Variants in TLL2 observed in about 807,000 individuals in gnomAD.
TLL2 encodes tolloid like 2.
TLL2 carries 106 observed loss-of-function variants against 123.0 expected under a neutral mutation model. That is an observed-to-expected ratio of 0.86 (90% CI 0.74 to 1.01). The LOEUF (loss-of-function observed/expected upper bound fraction) is 1.01, where lower values mean the gene tolerates loss of function less well. Among genes scored for constraint, TLL2 ranks in the 50% least tolerant of loss-of-function variants. TLL2 has a pLI of 0.00. For missense variants in TLL2, 1,332 were observed against 1,336.7 expected (o/e 1.00, Z 0.06); for synonymous variants, 494 against 516.8 (o/e 0.96, Z 0.60).
chr10:96,468,021 C>T (rs1847145825), intron 2 of TLL2, among the ~76,000 whole-genome samples: 1 of 152,142 alleles, frequency 6.6e-6, no homozygotes, highest in South Asian at 2.1e-4. Flanking sequence ...GGTGGTACTC[C>T]CAGGCTTGGT....
At chr10:96,494,618 T>C (rs1847452724) in intron 1 of TLL2, among the ~76,000 whole-genome samples, 1 of 152,228 alleles carries the variant, frequency 6.6e-6, no homozygotes, top group South Asian at 2.1e-4. Context: ...TTCCTACCCG[T>C]GGACCTAATC....
At chr10:96,468,507 G>A (rs1847150330) in intron 2 of TLL2, among the ~76,000 whole-genome samples, 1 of 152,184 alleles carries the variant, frequency 6.6e-6, no homozygotes, top group African/African-American at 2.4e-5. Flanking sequence ...CTCTGCCTCT[G>A]TTCTTATAGG....
At chr10:96,497,445 T>A (rs542291861) in intron 1 of TLL2, among the ~76,000 whole-genome samples, 1 of 152,340 alleles carries the variant, frequency 6.6e-6, no homozygotes, top group South Asian at 2.1e-4. Flanking sequence ...CCAGGAAGCG[T>A]GCTTCTGTGG....
At chr10:96,437,774 G>A (rs1371141891) in intron 3 of TLL2, among the ~76,000 whole-genome samples, 3 of 152,170 alleles carry the variant, frequency 2.0e-5, no homozygotes, top group African/African-American at 7.2e-5. Flanking sequence ...TGGTATGGAT[G>A]AACCACAGTT....
At chr10:96,476,694 T>A (rs1847256444) in intron 2 of TLL2, among the ~76,000 whole-genome samples, 1 of 152,072 alleles carries the variant, frequency 6.6e-6, no homozygotes, top group Non-Finnish European at 1.5e-5. Flanking sequence ...TATAATGGCT[T>A]AGTTAGGTAA....
At chr10:96,433,544 G>A (rs902859375) in intron 3 of TLL2, among the ~76,000 whole-genome samples, 4 of 152,118 alleles carry the variant, frequency 2.6e-5, no homozygotes, top group African/African-American at 4.8e-5. Flanking sequence ...GAGTCCACGC[G>A]TTGGGCCTCC....
At position 96,376,768 on chromosome 10, in the gene TLL2, T is replaced by C. The variant is rs1163623851; in HGVS notation, c.2372A>G (p.Asn791Ser). 1.9e-6 allele frequency: 3 copies of C among 1,597,110 alleles called. No homozygotes were observed. The highest frequency in any genetic ancestry group is 1.7e-6 in the Non-Finnish European group (2 of 1,172,928). The change falls in exon 18 of 21, where the codon AAC (asparagine) becomes AGC (serine). Residue 791 changes from asparagine (N) to serine (S), a missense_variant. Transcript: ENST00000357947. The part of the protein sequence containing the change: ...SSVEGTLASP[N>S]WPDKYPSRRE... The stretch of plus-strand genomic sequence containing the variant: ...CCGGCTGGGGTATTTGTCAGGCCAG[T>C]TGGGGCTCGCCAGGGTCCCCTCCAC...
chr10:96,387,033 C>A lies in TLL2; in HGVS notation c.1772G>T (p.Arg591Leu). ...SWPDHGGCEH[R>L]CVNTLGSYKC... Reference sequence around the variant, plus strand: ...GTAGCTGCCCAGCGTGTTCACACAGCGATGCTCGCACCCGCCGTGATCTGG... The same window carrying A: ...GTAGCTGCCCAGCGTGTTCACACAGAGATGCTCGCACCCGCCGTGATCTGG... The change falls in exon 14 of 21, where the codon CGC becomes CTC. Residue 591 changes from arginine to leucine, a missense_variant. Transcript: ENST00000357947. 6.2e-7 allele frequency: 1 copy of A among 1,613,940 alleles called. No individual in the cohort carries two copies. The highest frequency in any genetic ancestry group is 8.5e-7 in the Non-Finnish European group (1 of 1,180,036).
chr10:96,395,524 G>T lies in TLL2; in HGVS notation c.1531-142C>A, dbSNP rs530794645. Reference sequence around the variant, plus strand: ...AGTGTGTCCCAGGTCTCTCCATGCTGCTTCCTAGTTCACTCCTTACTTGCA... The same window carrying T: ...AGTGTGTCCCAGGTCTCTCCATGCTTCTTCCTAGTTCACTCCTTACTTGCA... On this transcript the variant is annotated intron_variant, in intron 12 of 20. Transcript: ENST00000357947. 1.6e-5 allele frequency: 13 copies of T among 795,670 alleles called. No individual in the cohort carries two copies. In the East Asian group the frequency reaches 3.1e-4, roughly 19 times the overall value. The allele number at this position is 795,670 out of a possible 1,614,324, so 49.3% of individuals were successfully genotyped here.
At chr10:96,401,355 C>T (rs908559606) in intron 10 of TLL2, among the ~76,000 whole-genome samples, 1 of 152,204 alleles carries the variant, frequency 6.6e-6, no homozygotes, top group African/African-American at 2.4e-5. Context: ...GGCACTGACC[C>T]CTCCCAGGGA....
chr10:96,419,769 A>T (rs2134074613), intron 7 of TLL2, among the ~76,000 whole-genome samples: 1 of 152,286 alleles, frequency 6.6e-6, no homozygotes, highest in African/African-American at 2.4e-5. Context: ...TGGCAGCCTT[A>T]CCCAAGAACC....
At chr10:96,419,940 C>T (rs558506715) in intron 7 of TLL2, among the ~76,000 whole-genome samples, 16 of 152,342 alleles carry the variant, frequency 1.1e-4, no homozygotes, top group Non-Finnish European at 1.6e-4. Context: ...TTGCTGCCAA[C>T]TCTAACCAAG....
In TLL2 at chr10:96,417,707, C is replaced by T. The variant is rs185547761; in HGVS notation, c.923+3249G>A. 1.3e-3 allele frequency among the ~76,000 whole-genome samples: 194 copies of T among 152,238 alleles called. 1 individual carries two copies. Among genetic ancestry groups the T allele is most frequent in the African/African-American group, 4.4e-3 (184 of 41,542 alleles). The stretch of plus-strand genomic sequence containing the variant: ...GTCTAGCCTACTGGAGGATGAGACG[C>T]CACATGAAGGAGAACCAAGGGGCTC... On this transcript the variant is annotated intron_variant, in intron 7 of 20. Transcript: ENST00000357947.
intron 13 of TLL2, among the ~76,000 whole-genome samples, chr10:96,394,936 C>G (rs1331095479): frequency 6.6e-6 from 1 of 152,190 alleles, no homozygotes; most frequent in Non-Finnish European, 1.5e-5. Context: ...TGTAGTTTGC[C>G]CTTGTAAACT....
At chr10:96,441,441 C>T (rs2134085103) in intron 3 of TLL2, among the ~76,000 whole-genome samples, 1 of 152,324 alleles carries the variant, frequency 6.6e-6, no homozygotes, top group Non-Finnish European at 1.5e-5. Context: ...TGGTGTCTGC[C>T]TCCCTGCTCT....
rs910291144 is a variant in TLL2, at chr10:96,364,815, G to A, written c.*3273C>T. The A allele has an allele frequency of 1.3e-5, 2 of 152,340 alleles. No individual in the cohort carries two copies. The highest frequency in any genetic ancestry group is 2.4e-5 in the African/African-American group (1 of 41,356). The allele number at this position is 152,340 out of a possible 1,614,324, so 9.4% of individuals were successfully genotyped here. ...ATTTGGTATTACTCTTCAGAAGTTC[G>A]GTCTACAAAAGAAACTTTAAAAACA... On this transcript the variant is annotated 3_prime_UTR_variant, in exon 21 of 21. Transcript: ENST00000357947.
At chr10:96,377,735 G>A (rs1272119603) in intron 17 of TLL2, among the ~76,000 whole-genome samples, 2 of 152,206 alleles carry the variant, frequency 1.3e-5, no homozygotes, top group South Asian at 2.1e-4. Flanking sequence ...AAACAGCTTC[G>A]AGGATGTTCC....
At chr10:96,390,719 G>C (rs1846279047) in intron 13 of TLL2, among the ~76,000 whole-genome samples, 1 of 152,246 alleles carries the variant, frequency 6.6e-6, no homozygotes, top group African/African-American at 2.4e-5. Flanking sequence ...GCATCTGAAT[G>C]ATGGCCTTGT....
chr10:96,470,469 G>T (rs1470972029), intron 2 of TLL2, among the ~76,000 whole-genome samples: 1 of 152,364 alleles, frequency 6.6e-6, no homozygotes, highest in African/African-American at 2.4e-5. Flanking sequence ...CAGACTGGTT[G>T]ATGGGTCGGG....
Sources: allele counts gnomAD v4.1 joint callset (sites outside exome capture counted in the v4.1 genomes callset), GRCh38; gene constraint gnomAD v4.1.1; transcripts MANE v1.5; gene names NCBI Gene and HGNC (gene_info 2026-07-23, HGNC 2026-07-21).